SLIT1: variants seen among roughly 807,000 people sequenced by gnomAD.
SLIT1 encodes slit guidance ligand 1.
Under a neutral mutation model 186.1 loss-of-function variants are expected in SLIT1, and 66 were observed. The observed-to-expected ratio is 0.35, with a 90% CI of 0.29 to 0.44. The LOEUF is 0.44. Among genes scored for constraint, SLIT1 ranks in the 20% least tolerant of loss-of-function variants. The pLI, the probability that SLIT1 is intolerant of heterozygous loss-of-function variation, is 1.00. For synonymous variants in SLIT1, 761 were observed against 833.8 expected (o/e 0.91, Z 1.50); for missense variants, 1,638 against 2,037.4 (o/e 0.80, Z 3.77).
Position 96,998,238 on chromosome 10 carries a change from C to T in SLIT1, c.*2874G>A, listed in dbSNP as rs1056274714. The T allele has an allele frequency of 3.9e-5, 6 of 152,188 alleles. No individual in the cohort carries two copies. Among genetic ancestry groups the T allele is most frequent in the Non-Finnish European group, 5.9e-5 (4 of 68,048 alleles). 9.4% of individuals were successfully genotyped at this position (152,188 alleles called of 1,614,324 possible). On this transcript the variant is annotated 3_prime_UTR_variant, in exon 37 of 37. Coordinates refer to ENST00000266058, the MANE Select transcript of SLIT1 (RefSeq NM_003061.3). Reference sequence around the variant, plus strand: ...ATAGCATCTGAAAGGCAAAACAAGACGCTGGATGTTGACTTTAACATATAA... The same window carrying T: ...ATAGCATCTGAAAGGCAAAACAAGATGCTGGATGTTGACTTTAACATATAA...
rs1157142584 is a variant in SLIT1, at chr10:97,022,565, A to G, written c.2583-1152T>C. On this transcript the variant is annotated intron_variant, in intron 25 of 36. Coordinates refer to ENST00000266058, the MANE Select transcript of SLIT1 (RefSeq NM_003061.3). This position sits in a 1 kb window ranked among gnomAD's most constrained non-coding sequence, Gnocchi z 4.2. ...TTGTGTGACACTTATCATATGACTT[A>G]TGCAATTGCCTTCTGATCCAGCCAT... Among the ~76,000 whole-genome samples, 1 of 152,186 alleles carries G rather than the reference A, an allele frequency of 6.6e-6. No homozygotes were observed. Among genetic ancestry groups the G allele is most frequent in the African/African-American group, 2.4e-5 (1 of 41,420 alleles).
rs571236135 is a variant in SLIT1, at chr10:97,161,685, G to A, written c.341+1695C>T. ...CCCAGCTACTCAGGAGGCTGAGGTA[G>A]GAGAATCGCTTGAACCCAAGAGGCG... On this transcript the variant is annotated intron_variant, in intron 3 of 36. Coordinates refer to ENST00000266058, the MANE Select transcript of SLIT1 (RefSeq NM_003061.3). Among the ~76,000 whole-genome samples the A allele has an allele frequency of 4.6e-5, 7 of 152,308 alleles. No individual in the cohort carries two copies. In the East Asian group the frequency reaches 1.4e-3, roughly 29 times the overall value.
In SLIT1 at chr10:97,064,241, TAAATG is replaced by T. The variant is rs769483387; in HGVS notation, c.558-7_558-3del. On this transcript the variant is annotated splice_polypyrimidine_tract_variant and splice_region_variant and intron_variant, in intron 6 of 36. Transcript: ENST00000266058. ...GTGATATTGTTGTTGTTCAGGGTCC[TAAATG>T]GGAAAAACCAGAGTCATTTAGCACC... is the stretch of plus-strand genomic sequence containing the variant. The T allele has an allele frequency of 1.1e-5, 18 of 1,613,342 alleles. No individual in the cohort carries two copies. The highest frequency in any genetic ancestry group is 5.3e-5 in the African/African-American group (4 of 75,024).
chr10:97,018,017 T>C (rs1410392521), intron 28 of SLIT1, among the ~76,000 whole-genome samples: 1 of 151,750 alleles, frequency 6.6e-6, no homozygotes, highest in East Asian at 1.9e-4. Context: ...CCCAGCTAAT[T>C]TTTGTATTTT....
chr10:97,171,143 G>A (rs1014107292), intron 1 of SLIT1, among the ~76,000 whole-genome samples: 6 of 152,218 alleles, frequency 3.9e-5, no homozygotes, highest in African/African-American at 1.2e-4. Flanking sequence ...TCTTTGCTTT[G>A]AAATCTTACC....
intron 20 of SLIT1, 41 bp from the exon 21 acceptor site, chr10:97,040,161 G>A (rs1352857947): frequency 8.6e-6 from 13 of 1,507,864 alleles, no homozygotes; most frequent in South Asian, 2.7e-5. Flanking sequence ...GGAGGTGGAC[G>A]GGCCGCTGTA....
Position 96,998,746 on chromosome 10 carries a change from T to C in SLIT1, c.*2366A>G, listed in dbSNP as rs980128267. ...TGCACTGAGGTCAGCGCTGCTGTGC[T>C]AGGAGGCTGGGCCATGTGGTGGGGC... On this transcript the variant is annotated 3_prime_UTR_variant, in exon 37 of 37. Transcript: ENST00000266058. 20 of 152,332 alleles carry C rather than the reference T, an allele frequency of 1.3e-4. No homozygotes were observed. Among genetic ancestry groups the C allele is most frequent in the African/African-American group, 4.8e-4 (20 of 41,458 alleles). 9.4% of individuals were successfully genotyped at this position (152,332 alleles called of 1,614,324 possible). A position where few individuals can be genotyped will look rare whatever the true frequency, so the allele number is the denominator to read the frequency against.
intron 4 of SLIT1, among the ~76,000 whole-genome samples, chr10:97,109,490 C>T (rs1026966738): frequency 1.4e-4 from 21 of 152,090 alleles, no homozygotes; most frequent in African/African-American, 3.1e-4. Context: ...GGAAACATCC[C>T]GACAGGAAAC....
chr10:97,167,159 G>A (rs1201511482), intron 1 of SLIT1, among the ~76,000 whole-genome samples: 1 of 152,108 alleles, frequency 6.6e-6, no homozygotes, highest in Non-Finnish European at 1.5e-5. Context: ...CACCCTAAAT[G>A]CTGCAAGGAC....
intron 16 of SLIT1, 112 bp from the exon 17 acceptor site, chr10:97,047,177 C>A: frequency 1.4e-6 from 1 of 711,256 alleles, no homozygotes; most frequent in South Asian, 1.7e-5. Context: ...AAGAATTTAT[C>A]TGGCAAAGCA....
At position 97,013,755 on chromosome 10, in the gene SLIT1, G is replaced by T. The variant is rs755705030; in HGVS notation, c.3189C>A (p.Thr1063=). 1 of 1,551,280 alleles carries T rather than the reference G, an allele frequency of 6.4e-7. No individual in the cohort carries two copies. Among genetic ancestry groups the T allele is most frequent in the Non-Finnish European group, 8.7e-7 (1 of 1,146,722 alleles). The change falls in exon 30 of 37, where the codon ACC becomes ACA. Residue 1063 remains threonine, a synonymous_variant. Transcript: ENST00000266058. ...GCAACACTCACCTGGGCCCATCCGG[G>T]GTGCCCACACACTGGGCCTCGTGTT... ...PCQHEAQCVG[T]PDGPRCECMP...
intron 23 of SLIT1, among the ~76,000 whole-genome samples, chr10:97,032,487 T>A (rs888198054): frequency 6.6e-6 from 1 of 151,112 alleles, no homozygotes; most frequent in African/African-American, 2.4e-5. Flanking sequence ...GGGAATCACT[T>A]GAATCTGGGA....
chr10:97,069,769 G>A (rs2134644746), intron 4 of SLIT1, among the ~76,000 whole-genome samples: 1 of 152,284 alleles, frequency 6.6e-6, no homozygotes, highest in East Asian at 1.9e-4. Flanking sequence ...GGAGGTTGTG[G>A]TAGTTAAAAG....
chr10:97,044,488 A>G (rs1848718314), intron 18 of SLIT1, among the ~76,000 whole-genome samples: 1 of 152,234 alleles, frequency 6.6e-6, no homozygotes, highest in Admixed American at 6.5e-5. Flanking sequence ...AACACAGGGT[A>G]GCCAACTCAC....
intron 1 of SLIT1, among the ~76,000 whole-genome samples, chr10:97,172,641 C>T (rs546628859): frequency 1.3e-5 from 2 of 152,290 alleles, no homozygotes; most frequent in Admixed American, 6.5e-5. Flanking sequence ...CCCAGCCAAG[C>T]GTGCTGGCTC....
chr10:97,000,843 T>TCAA lies in SLIT1; in HGVS notation c.*266_*268dup. The TCAA allele has an allele frequency of 2.0e-6, 1 of 498,726 alleles. No individual in the cohort carries two copies. The highest frequency in any genetic ancestry group is 3.6e-6 in the Non-Finnish European group (1 of 276,340). 30.9% of individuals were successfully genotyped at this position (498,726 alleles called of 1,614,324 possible). A position where few individuals can be genotyped will look rare whatever the true frequency, so the allele number is the denominator to read the frequency against. ...GGCCTGACCTCACGCACACATTCAC[T>TCAA]CAACAAATATTTATTAAGCGCCTAT... On this transcript the variant is annotated 3_prime_UTR_variant, in exon 37 of 37. Transcript: ENST00000266058.
At chr10:97,031,845 C>T (rs1261037473) in intron 23 of SLIT1, among the ~76,000 whole-genome samples, 168 bp from the exon 24 acceptor site, 1 of 152,244 alleles carries the variant, frequency 6.6e-6, no homozygotes. Flanking sequence ...CCCTAAGAAG[C>T]TGGTGGTCTT....
At chr10:97,001,840 G>C (rs561298576) in intron 36 of SLIT1, among the ~76,000 whole-genome samples, 1 of 152,106 alleles carries the variant, frequency 6.6e-6, no homozygotes, top group African/African-American at 2.4e-5. Flanking sequence ...TCCTGCTGCC[G>C]CTCCCAGGTC....
chr10:97,103,653 G>T (rs1333471042), intron 4 of SLIT1: 1 of 152,126 alleles, frequency 6.6e-6, no homozygotes, highest in Non-Finnish European at 1.5e-5. Flanking sequence ...AAAGTGCAAC[G>T]CCCTCAATTA....
Sources: gnomAD v4.1 joint callset for allele counts (sites outside exome capture counted in the v4.1 genomes callset) on GRCh38, gnomAD v4.1.1 for gene constraint, Gnocchi (gnomAD v3.1) non-coding constraint, MANE v1.5 for transcripts, NCBI Gene and HGNC (gene_info 2026-07-23, HGNC 2026-07-21) for gene names.